WDFY3: variants seen among roughly 807,000 people sequenced by gnomAD.
The protein encoded by WDFY3 is WD repeat and FYVE domain containing 3.
Under a neutral mutation model 409.6 loss-of-function variants are expected in WDFY3, and 66 were observed. The observed-to-expected ratio is 0.16, with a 90% CI of 0.13 to 0.20. The LOEUF is 0.20. WDFY3 is among the 10% of genes least tolerant of loss of function. WDFY3 has a pLI of 1.00. For missense variants in WDFY3, 3,031 were observed against 4,298.1 expected, an observed-to-expected ratio of 0.71 and a Z score of 8.24; for synonymous variants, 1,521 against 1,537.1, an observed-to-expected ratio of 0.99 and a Z score of 0.25.
chr4:84,786,189 AAAGT>A, intron 23 of WDFY3, 50 bp from the exon 24 acceptor site: 1 of 1,518,438 alleles, frequency 6.6e-7, no homozygotes, highest in South Asian at 1.3e-5. Context: ...TTCTCATCTT[AAAGT>A]AAGTTTTTTA....
chr4:84,909,406 A>T (rs1053261760), intron 2 of WDFY3, among the ~76,000 whole-genome samples: 9 of 152,144 alleles, frequency 5.9e-5, no homozygotes, highest in African/African-American at 2.2e-4. Context: ...GTAATAAAAA[A>T]AGAAAGGGCA....
At position 84,743,697 on chromosome 4, in the gene WDFY3, T is replaced by C; in HGVS notation, c.6073+3A>G. 1 of 1,533,914 alleles carries C rather than the reference T, an allele frequency of 6.5e-7. No individual in the cohort carries two copies. Among genetic ancestry groups the C allele is most frequent in the Non-Finnish European group, 8.8e-7 (1 of 1,136,008 alleles). On this transcript the variant is annotated splice_donor_region_variant and intron_variant, in intron 37 of 67. Transcript: ENST00000295888. The stretch of plus-strand genomic sequence containing the variant: ...TTTCTATAAAATAAAAACACAGAAT[T>C]ACCTAATAACACATCAGCTGCAAGC...
At position 84,810,288 on chromosome 4, in the gene WDFY3, A is replaced by G; in HGVS notation, c.1944T>C (p.Val648=). The part of the protein sequence containing the change: ...SHRSRTVFRK[V]GGFVYITSLL... ...AGGATGTAATGTACACAAATCCTCC[A>G]ACTTTCCTAAAAACTGTTCTTGAAC... The change falls in exon 14 of 68, where the codon GTT becomes GTC. Residue 648 remains valine, a synonymous_variant. Coordinates refer to ENST00000295888, the MANE Select transcript of WDFY3 (RefSeq NM_014991.6). The G allele has an allele frequency of 1.2e-6, 2 of 1,613,822 alleles. No homozygotes were observed. Among genetic ancestry groups the G allele is most frequent in the Non-Finnish European group, 1.7e-6 (2 of 1,179,940 alleles).
intron 56 of WDFY3, 124 bp from the exon 57 acceptor site, chr4:84,696,947 G>A: frequency 1.3e-6 from 1 of 744,698 alleles, no homozygotes. Flanking sequence ...TTGTACACCA[G>A]AAAGGACTTC....
intron 44 of WDFY3, among the ~76,000 whole-genome samples, chr4:84,727,495 TG>T (rs751760631): frequency 3.3e-5 from 5 of 152,208 alleles, no homozygotes; most frequent in Non-Finnish European, 7.3e-5. Context: ...GAGGGTAGAC[TG>T]GATCATCAGC....
intron 34 of WDFY3, among the ~76,000 whole-genome samples, chr4:84,754,588 T>C (rs889737114): frequency 2.0e-5 from 3 of 152,202 alleles, no homozygotes; most frequent in Non-Finnish European, 4.4e-5. Flanking sequence ...AATCCTAAAT[T>C]GTATAAACAA....
chr4:84,860,691 A>G, intron 3 of WDFY3, 69 bp from the exon 4 acceptor site: 1 of 1,254,390 alleles, frequency 8.0e-7, no homozygotes. Context: ...CATGCATGTA[A>G]GAGCTTATAA....
At chr4:84,929,116 T>C (rs1197595864) in intron 2 of WDFY3, among the ~76,000 whole-genome samples, 2 of 152,156 alleles carry the variant, frequency 1.3e-5, no homozygotes, top group African/African-American at 4.8e-5. Context: ...CTAATGGAAG[T>C]TGATGCCATG....
intron 3 of WDFY3, among the ~76,000 whole-genome samples, chr4:84,862,023 T>C (rs1390548303): frequency 1.3e-5 from 2 of 152,230 alleles, no homozygotes; most frequent in Non-Finnish European, 2.9e-5. Context: ...GAACCACATA[T>C]GCCAGTATGC....
chr4:84,953,273 G>A (rs1255461167), intron 1 of WDFY3, among the ~76,000 whole-genome samples: 1 of 151,494 alleles, frequency 6.6e-6, no homozygotes, highest in Non-Finnish European at 1.5e-5. Flanking sequence ...AATAAAACTA[G>A]TTATGAGGGT....
Position 84,670,729 on chromosome 4 carries a change from C to T in WDFY3, c.*2139G>A, listed in dbSNP as rs185198640. 1 of 152,580 alleles carries T rather than the reference C, an allele frequency of 6.6e-6. No homozygotes were observed. Among genetic ancestry groups the T allele is most frequent in the Non-Finnish European group, 1.5e-5 (1 of 68,032 alleles). 9.5% of individuals were successfully genotyped at this position (152,580 alleles called of 1,614,324 possible). ...ACATGATTCATGGACAAAAGGAGGA[C>T]GCTTCTTTTAAAAAGTGTAGAATAA... On this transcript the variant is annotated 3_prime_UTR_variant, in exon 68 of 68. Transcript: ENST00000295888.
At position 84,882,718 on chromosome 4, in the gene WDFY3, ATT is replaced by A. The variant is rs761553554; in HGVS notation, c.-32+14191_-32+14192del. On this transcript the variant is annotated intron_variant, in intron 3 of 67. Coordinates refer to ENST00000295888, the MANE Select transcript of WDFY3 (RefSeq NM_014991.6). ...ATCAGAGTATTATTGTTTCACCTAT[ATT>A]TTTTTTTTTTTTGAGACACAGTGTC... Among the ~76,000 whole-genome samples, 177 of 143,860 alleles carry A rather than the reference ATT, an allele frequency of 1.2e-3. 2 individuals carry two copies. Among genetic ancestry groups the A allele is most frequent in the African/African-American group, 4.1e-3 (163 of 39,536 alleles). 94.4% of individuals were successfully genotyped at this position (143,860 alleles called of 152,430 possible).
At position 84,897,008 on chromosome 4, in the gene WDFY3, C is replaced by T. The variant is rs1765725123; in HGVS notation, c.-129G>A. The T allele has an allele frequency of 6.6e-6, 1 of 152,124 alleles. No individual in the cohort carries two copies. The highest frequency in any genetic ancestry group is 6.6e-5 in the Admixed American group (1 of 15,264). 9.4% of individuals were successfully genotyped at this position (152,124 alleles called of 1,614,324 possible). The stretch of plus-strand genomic sequence containing the variant: ...TACTCAAAACTTGAAATCTGGGCTC[C>T]AGCTAGAAAGAGGGGGAAAAAGGTT... On this transcript the variant is annotated splice_region_variant and 5_prime_UTR_variant, in exon 3 of 68. Transcript: ENST00000295888.
At chr4:84,828,657 C>T (rs1755212745) in intron 9 of WDFY3, among the ~76,000 whole-genome samples, 1 of 152,118 alleles carries the variant, frequency 6.6e-6, no homozygotes, top group East Asian at 1.9e-4. Flanking sequence ...AATCTCAGAA[C>T]TTTGGGAGGC....
chr4:84,739,047 A>T lies in WDFY3; in HGVS notation c.6537T>A (p.Ile2179=), dbSNP rs1427116910. 6.2e-7 allele frequency: 1 copy of T among 1,614,146 alleles called. No homozygotes were observed. Among genetic ancestry groups the T allele is most frequent in the Non-Finnish European group, 8.5e-7 (1 of 1,179,992 alleles). ...CTTGGCTGTAACTACCATCTGGTTCAATGTCCGAGGGGATCATAATGTGCC... is the reference window on the plus strand; with the variant it reads ...CTTGGCTGTAACTACCATCTGGTTCTATGTCCGAGGGGATCATAATGTGCC... ...TTWHIMIPSD[I]EPDGSYSQDI... Residue 2179 remains isoleucine (I), a synonymous_variant, in exon 40 of 68, where the codon ATT becomes ATA. Coordinates refer to ENST00000295888, the MANE Select transcript of WDFY3 (RefSeq NM_014991.6).
chr4:84,827,447 G>A (rs1466949211), intron 9 of WDFY3, among the ~76,000 whole-genome samples: 1 of 151,902 alleles, frequency 6.6e-6, no homozygotes, highest in African/African-American at 2.4e-5. Flanking sequence ...CCACACATTA[G>A]TGTAAGCTTT....
chr4:84,677,105 G>T (rs761478128), intron 67 of WDFY3, 94 bp downstream of exon 67: 2 of 1,443,242 alleles, frequency 1.4e-6, no homozygotes, highest in Non-Finnish European at 1.9e-6. Context: ...CTGTAGTGGG[G>T]ACGCCAGGGC....
In WDFY3 at chr4:84,724,720, T is replaced by A. The variant is rs1735382757; in HGVS notation, c.7273-126A>T. 3 of 909,918 alleles carry A rather than the reference T, an allele frequency of 3.3e-6. No homozygotes were observed. The Admixed American group carries it at 1.1e-4, about 34-fold the overall frequency. The allele number at this position is 909,918 out of a possible 1,614,324, so 56.4% of individuals were successfully genotyped here. A position where few individuals can be genotyped will look rare whatever the true frequency, so the allele number is the denominator to read the frequency against. The stretch of plus-strand genomic sequence containing the variant: ...AAAGGGGCTTTTCATAGACTGTATG[T>A]ATATACAGTAAATCCACACTTTTGG... On this transcript the variant is annotated intron_variant, in intron 45 of 67. Transcript: ENST00000295888.
At chr4:84,726,729 C>T in intron 45 of WDFY3, 132 bp downstream of exon 45, 1 of 747,792 alleles carries the variant, frequency 1.3e-6, no homozygotes, top group Non-Finnish European at 2.1e-6. Flanking sequence ...CTCTAAGGAA[C>T]TTATAGGAAG....
Sources: allele counts gnomAD v4.1 joint callset (sites outside exome capture counted in the v4.1 genomes callset), GRCh38; gene constraint gnomAD v4.1.1; transcripts MANE v1.5; gene names NCBI Gene and HGNC (gene_info 2026-07-23, HGNC 2026-07-21).